The following IGF2BP3 variants were observed in gnomAD, a reference collection of about 807,000 sequenced individuals.
IGF2BP3 encodes the protein insulin like growth factor 2 mRNA binding protein 3.
In IGF2BP3, 9 loss-of-function variants were observed where a neutral mutation model predicts 73.8. The ratio of observed to expected loss-of-function variants is 0.12; its 90% CI spans 0.07 to 0.21. The LOEUF is 0.21. IGF2BP3 is among the 10% of genes least tolerant of loss of function. IGF2BP3 has a pLI of 1.00. For missense variants in IGF2BP3, 542 were observed against 714.0 expected, an observed-to-expected ratio of 0.76 and a Z score of 2.75; for synonymous variants, 258 against 256.7, an observed-to-expected ratio of 1.01 and a Z score of -0.05.
At chr7:23,442,861 TAA>T (rs1249071391) in intron 2 of IGF2BP3, among the ~76,000 whole-genome samples, 1 of 152,192 alleles carries the variant, frequency 6.6e-6, no homozygotes, top group Non-Finnish European at 1.5e-5. Flanking sequence ...AGTCCTTTGA[TAA>T]ATTCAGAGAT....
chr7:23,399,870 G>A (rs1345417978), intron 3 of IGF2BP3, among the ~76,000 whole-genome samples: 5 of 152,092 alleles, frequency 3.3e-5, no homozygotes, highest in African/African-American at 1.2e-4. Flanking sequence ...AACTCCCAAA[G>A]TAGAGAGTTT....
intron 2 of IGF2BP3, among the ~76,000 whole-genome samples, chr7:23,445,481 G>A (rs1279633790): frequency 2.7e-5 from 4 of 150,072 alleles, no homozygotes; most frequent in East Asian, 2.0e-4. Flanking sequence ...CGGGTGTTTC[G>A]TATACACTAT....
chr7:23,451,992 C>CTTTTT (rs796497374), intron 2 of IGF2BP3, among the ~76,000 whole-genome samples: 1 of 142,030 alleles, frequency 7.0e-6, no homozygotes, highest in African/African-American at 2.6e-5. Flanking sequence ...TTCTTTTTTC[C>CTTTTT]TTTTTTTTTT....
At chr7:23,355,628 T>C (rs936423780) in intron 5 of IGF2BP3, among the ~76,000 whole-genome samples, 1 of 152,108 alleles carries the variant, frequency 6.6e-6, no homozygotes. Flanking sequence ...AGAATTTAAA[T>C]GTATTGATAA....
chr7:23,356,840 A>AAAAACAAAAC lies in IGF2BP3; in HGVS notation c.401+4684_401+4693dup, dbSNP rs535274732. Among the ~76,000 whole-genome samples the AAAAACAAAAC allele has an allele frequency of 1.9e-3, 282 of 152,296 alleles. 1 individual carries two copies. The highest frequency in any genetic ancestry group is 6.7e-3 in the African/African-American group (277 of 41,554). ...AAGGCTTCATGACTAAATTGGTTCTAAAAACAAAACAAAACAAAACGGTAT... is the reference window on the plus strand; with the variant it reads ...AAGGCTTCATGACTAAATTGGTTCTAAAAACAAAACAAAACAAAACAAAACAAAACGGTAT... On this transcript the variant is annotated intron_variant, in intron 5 of 14. Transcript: ENST00000258729.
intron 11 of IGF2BP3, among the ~76,000 whole-genome samples, chr7:23,318,615 G>A (rs534348117): frequency 4.6e-5 from 7 of 152,260 alleles, no homozygotes; most frequent in African/African-American, 1.4e-4. Context: ...TTTGTCCTCT[G>A]GTATGTTACC....
rs558866525 is a variant in IGF2BP3 at position 23,440,718 on chromosome 7, A to G, written c.237-21894T>C. Among the ~76,000 whole-genome samples the G allele has an allele frequency of 5.9e-5, 9 of 152,254 alleles. No individual in the cohort carries two copies. The East Asian group carries it at 1.7e-3, about 29-fold the overall frequency. ...CTCCAACAACCCCTAACCACCAGCC[A>G]CCTGTCCACATATCAGGTCATTTTT... On this transcript the variant is annotated intron_variant, in intron 2 of 14. Coordinates refer to ENST00000258729, the MANE Select transcript of IGF2BP3 (RefSeq NM_006547.3).
intron 3 of IGF2BP3, among the ~76,000 whole-genome samples, chr7:23,387,993 T>C (rs1786142240): frequency 1.3e-5 from 2 of 152,130 alleles, no homozygotes; most frequent in African/African-American, 4.8e-5. Context: ...CTGGATGAAG[T>C]GCAGTGGTGT....
intron 5 of IGF2BP3, among the ~76,000 whole-genome samples, chr7:23,352,884 C>T (rs1785001871): frequency 6.6e-6 from 1 of 152,058 alleles, no homozygotes; most frequent in East Asian, 1.9e-4. Context: ...TTGTAATATT[C>T]ATCCAAATTG....
chr7:23,316,211 C>G (rs1178057220), intron 12 of IGF2BP3, among the ~76,000 whole-genome samples: 9 of 152,168 alleles, frequency 5.9e-5, no homozygotes, highest in Non-Finnish European at 1.0e-4. Context: ...GCACCTCCTT[C>G]GTTTCCCATT....
At chr7:23,381,539 A>C (rs1373559428) in intron 3 of IGF2BP3, among the ~76,000 whole-genome samples, 1 of 152,202 alleles carries the variant, frequency 6.6e-6, no homozygotes, top group Non-Finnish European at 1.5e-5. Flanking sequence ...ATGTTCATTA[A>C]AGTGATGGCT....
At position 23,459,561 on chromosome 7, in the gene IGF2BP3, G is replaced by A. The variant is rs113332561; in HGVS notation, c.236+8921C>T. Among the ~76,000 whole-genome samples, 699 of 152,098 alleles carry A rather than the reference G, an allele frequency of 4.6e-3. 1 individual carries two copies. Among genetic ancestry groups the A allele is most frequent in the Non-Finnish European group, 7.4e-3 (504 of 67,992 alleles). On this transcript the variant is annotated intron_variant, in intron 2 of 14. Coordinates refer to ENST00000258729, the MANE Select transcript of IGF2BP3 (RefSeq NM_006547.3). Reference sequence around the variant, plus strand: ...AAGAACTGGACTTGGGGCCAGGTGCGGTGACTCAAGCCTGTAATTCCAGCA... The same window carrying A: ...AAGAACTGGACTTGGGGCCAGGTGCAGTGACTCAAGCCTGTAATTCCAGCA...
intron 3 of IGF2BP3, chr7:23,394,488 AAAC>A (rs969832375): frequency 6.6e-5 from 10 of 152,244 alleles, no homozygotes; most frequent in South Asian, 2.1e-4. Flanking sequence ...CCCTCCCCCA[AAAC>A]AACAACAAAC....
chr7:23,430,978 G>A (rs528322056), intron 2 of IGF2BP3, among the ~76,000 whole-genome samples: 62 of 152,310 alleles, frequency 4.1e-4, no homozygotes, highest in African/African-American at 1.4e-3. Context: ...ATGAAGACAT[G>A]CGCTTATGAC....
At chr7:23,352,741 C>T (rs577233813) in intron 5 of IGF2BP3, among the ~76,000 whole-genome samples, 8 of 152,280 alleles carry the variant, frequency 5.3e-5, no homozygotes, top group South Asian at 4.1e-4. Context: ...TACCTGCTTC[C>T]GGTAGTCACT....
intron 10 of IGF2BP3, among the ~76,000 whole-genome samples, chr7:23,321,221 TG>T (rs1322651517): frequency 6.6e-6 from 1 of 152,168 alleles, no homozygotes; most frequent in Admixed American, 6.5e-5. Context: ...GCATGCACCA[TG>T]GGTGAGCCGA....
intron 7 of IGF2BP3, 73 bp from the exon 8 acceptor site, chr7:23,346,135 A>G: frequency 6.7e-7 from 1 of 1,503,558 alleles, no homozygotes; most frequent in Non-Finnish European, 9.0e-7. Flanking sequence ...ATATTCACTC[A>G]TTAAACATTT....
At chr7:23,440,308 T>C (rs1584046862) in intron 2 of IGF2BP3, among the ~76,000 whole-genome samples, 1 of 149,090 alleles carries the variant, frequency 6.7e-6, no homozygotes, top group Non-Finnish European at 1.5e-5. Flanking sequence ...TGGTGGCACG[T>C]GCCCTTAATC....
chr7:23,416,084 C>T (rs1472824363), intron 3 of IGF2BP3: 5 of 152,046 alleles, frequency 3.3e-5, no homozygotes, highest in Non-Finnish European at 7.3e-5. Flanking sequence ...CATCATCACC[C>T]CTGGTTAGAA....
Sources: allele counts gnomAD v4.1 joint callset (sites outside exome capture counted in the v4.1 genomes callset), GRCh38; gene constraint gnomAD v4.1.1; transcripts MANE v1.5; gene names NCBI Gene and HGNC (gene_info 2026-07-23, HGNC 2026-07-21).